FAM53A: variants seen among roughly 807,000 people sequenced by gnomAD.
FAM53A encodes the protein family with sequence similarity 53 member A, also known as protein FAM53A.
FAM53A carries 28 observed loss-of-function variants against 26.6 expected under a neutral mutation model. That is an observed-to-expected ratio of 1.05 (90% CI 0.78 to 1.45). The LOEUF (loss-of-function observed/expected upper bound fraction) is 1.45. Ranked by LOEUF, FAM53A falls within the 40% of genes most tolerant of loss-of-function variation. FAM53A has a pLI of 0.00. For synonymous variants in FAM53A, 290 were observed against 253.1 expected, an observed-to-expected ratio of 1.15 and a Z score of -1.38; for missense variants, 650 against 575.8, an observed-to-expected ratio of 1.13 and a Z score of -1.32.
chr4:1,635,597 T>A (rs148077941), downstream of FAM53A, among the ~76,000 whole-genome samples: 116 of 152,224 alleles, frequency 7.6e-4, no homozygotes, highest in Non-Finnish European at 1.2e-3. Context: ...CTATTTCTTC[T>A]AATACAGTCA....
intron 2 of FAM53A, among the ~76,000 whole-genome samples, chr4:1,661,549 G>A (rs1713835267): frequency 6.6e-6 from 1 of 152,064 alleles, no homozygotes; most frequent in South Asian, 2.1e-4. Context: ...CGGGCTCTCT[G>A]GGGAAGCCCC....
intron 4 of FAM53A, among the ~76,000 whole-genome samples, chr4:1,649,658 G>A (rs1456471502): frequency 2.6e-5 from 4 of 152,242 alleles, no homozygotes; most frequent in Non-Finnish European, 5.9e-5. Context: ...ATGTGGCAAA[G>A]AAATGAGGCC....
the FAM53A span, among the ~76,000 whole-genome samples, chr4:1,578,675 C>T: frequency 6.7e-6 from 1 of 149,608 alleles, no homozygotes; most frequent in African/African-American, 2.5e-5. Context: ...CCGAACCGCC[C>T]TCTGCAGACA....
At chr4:1,681,823 T>C (rs1231285879) in intron 1 of FAM53A, among the ~76,000 whole-genome samples, 1 of 152,010 alleles carries the variant, frequency 6.6e-6, no homozygotes, top group African/African-American at 2.4e-5. Context: ...AATCGTAAAA[T>C]GAAGATTATC....
intron 1 of FAM53A, among the ~76,000 whole-genome samples, chr4:1,627,446 C>T (rs191448776): frequency 6.6e-5 from 10 of 152,322 alleles, no homozygotes; most frequent in Admixed American, 3.9e-4. Context: ...GGGCTGCTTA[C>T]GCTGGAGACT....
chr4:1,615,093 G>A (rs1001458509), downstream of FAM53A, among the ~76,000 whole-genome samples: 26 of 133,978 alleles, frequency 1.9e-4, no homozygotes, highest in Non-Finnish European at 4.1e-4. Context: ...ACACGACCAC[G>A]CCCACCTCAC....
chr4:1,652,580 G>C (rs1411711734), intron 4 of FAM53A, among the ~76,000 whole-genome samples: 2 of 81,224 alleles, frequency 2.5e-5, no homozygotes, highest in Non-Finnish European at 2.6e-5. Context: ...CCACACACAG[G>C]CCACACATCA....
chr4:1,685,990 C>T (rs556627406), upstream of FAM53A, among the ~76,000 whole-genome samples: 5 of 152,278 alleles, frequency 3.3e-5, no homozygotes, highest in Non-Finnish European at 7.4e-5. Flanking sequence ...CCACCCCTCT[C>T]AGCCATTACT....
chr4:1,680,438 G>A (rs1337853624), intron 1 of FAM53A, among the ~76,000 whole-genome samples: 1 of 151,700 alleles, frequency 6.6e-6, no homozygotes, highest in Non-Finnish European at 1.5e-5. Context: ...AGGATATGGA[G>A]CAACTGTGTA....
downstream of FAM53A, among the ~76,000 whole-genome samples, chr4:1,636,711 G>A (rs574297348): frequency 1.1e-4 from 17 of 152,370 alleles, no homozygotes; most frequent in Admixed American, 7.8e-4. Context: ...AGGAGAAAGT[G>A]CGTGCCTGCC....
At chr4:1,584,888 A>G in the FAM53A span, among the ~76,000 whole-genome samples, 2 of 152,262 alleles carry the variant, frequency 1.3e-5, no homozygotes, top group African/African-American at 4.8e-5. Flanking sequence ...ACAAGGGCCA[A>G]TCCAGAGTTA....
At chr4:1,621,055 A>G (rs1715006256) in intron 1 of FAM53A, among the ~76,000 whole-genome samples, 1 of 151,226 alleles carries the variant, frequency 6.6e-6, no homozygotes, top group African/African-American at 2.4e-5. Flanking sequence ...GAAAGAAGGA[A>G]CACAAAGAAC....
chr4:1,676,831 ATCACG>A (rs1715078937), intron 1 of FAM53A, among the ~76,000 whole-genome samples: 1 of 152,188 alleles, frequency 6.6e-6, no homozygotes, highest in Admixed American at 6.5e-5. Flanking sequence ...CGCTGACATT[ATCACG>A]TCACTATAGT....
the FAM53A span, among the ~76,000 whole-genome samples, chr4:1,604,021 C>G: frequency 9.9e-5 from 15 of 152,246 alleles, no homozygotes; most frequent in Non-Finnish European, 1.9e-4. Context: ...CAGAAAAGCC[C>G]TGCCCGGCTG....
chr4:1,617,322 C>A (rs1291896996), downstream of FAM53A, among the ~76,000 whole-genome samples: 5 of 152,126 alleles, frequency 3.3e-5, no homozygotes, highest in Admixed American at 1.3e-4. Flanking sequence ...TTTCTGAGTA[C>A]ATCTCTTCAT....
intron 4 of FAM53A, 43 bp from the exon 5 acceptor site, chr4:1,641,650 C>T (rs1382573717): frequency 6.2e-7 from 1 of 1,602,524 alleles, no homozygotes; most frequent in African/African-American, 1.3e-5. Flanking sequence ...TCTAGCAGAT[C>T]ACACAGGAGG....
In FAM53A at chr4:1,630,084, A is replaced by G. The variant is rs1024295871; in HGVS notation, c.432-11973T>C. The stretch of plus-strand genomic sequence containing the variant: ...AGACCACAGTGAGACCCCGCTGGAC[A>G]CCTCACCCGGCTGCCTGCCTGCCAG... On this transcript the variant is annotated intron_variant, in intron 1 of 1. Coordinates refer to the FAM53A transcript ENST00000489029. This position sits in a 1 kb window ranked among gnomAD's most constrained non-coding sequence, Gnocchi z 4.3. Among the ~76,000 whole-genome samples, 4 of 151,944 alleles carry G rather than the reference A, an allele frequency of 2.6e-5. No individual in the cohort carries two copies. Among genetic ancestry groups the G allele is most frequent in the Non-Finnish European group, 4.4e-5 (3 of 67,966 alleles).
chr4:1,644,216 CAA>C (rs1560141034), intron 4 of FAM53A: 1 of 1,536,014 alleles, frequency 6.5e-7, no homozygotes, highest in Non-Finnish European at 8.7e-7. Flanking sequence ...CCTTCCATTT[CAA>C]ACCACGGCGT....
the FAM53A span, among the ~76,000 whole-genome samples, chr4:1,580,685 C>T: frequency 6.8e-6 from 1 of 147,830 alleles, no homozygotes; most frequent in Non-Finnish European, 1.5e-5. Flanking sequence ...CACTGAGGAC[C>T]CTGCCTCCCG....
Sources: gnomAD v4.1 joint callset for allele counts (sites outside exome capture counted in the v4.1 genomes callset) on GRCh38, gnomAD v4.1.1 for gene constraint, Gnocchi (gnomAD v3.1) non-coding constraint, MANE v1.5 for transcripts, NCBI Gene and HGNC (gene_info 2026-07-23, HGNC 2026-07-21) for gene names.